The following SH3GL2 variants were observed in gnomAD, a reference collection of about 807,000 sequenced individuals.
SH3GL2 encodes the protein endophilin-A1.
In SH3GL2, 24 loss-of-function variants were observed where a neutral mutation model predicts 46.0. That is an observed-to-expected ratio of 0.52 (90% CI 0.38 to 0.73). The LOEUF (loss-of-function observed/expected upper bound fraction) is 0.73. Ranked by LOEUF, SH3GL2 falls within the 30% of genes least tolerant of loss-of-function variation. The pLI is 0.00. For synonymous variants in SH3GL2, 196 were observed against 147.1 expected, an observed-to-expected ratio of 1.33 and a Z score of -2.40; for missense variants, 413 against 424.2, an observed-to-expected ratio of 0.97 and a Z score of 0.23.
intron 2 of SH3GL2, among the ~76,000 whole-genome samples, chr9:17,757,200 C>G (rs9406694): frequency 0.026 from 3,930 of 152,200 alleles, 154 homozygotes; most frequent in African/African-American, 0.089. Flanking sequence ...CATAAAAACC[C>G]TAGAAGAAAA....
At chr9:17,705,676 G>A (rs930428127) in intron 1 of SH3GL2, among the ~76,000 whole-genome samples, 3 of 151,962 alleles carry the variant, frequency 2.0e-5, no homozygotes, top group Admixed American at 2.0e-4. Context: ...GCTGGAGGCC[G>A]TTATTCTGAG....
At chr9:17,727,677 T>C (rs1395915182) in intron 1 of SH3GL2, among the ~76,000 whole-genome samples, 1 of 152,200 alleles carries the variant, frequency 6.6e-6, no homozygotes, top group East Asian at 1.9e-4. Flanking sequence ...AATCAGTGGA[T>C]GACGATTTCC....
chr9:17,623,268 G>C (rs943345546), intron 1 of SH3GL2, among the ~76,000 whole-genome samples: 3 of 152,012 alleles, frequency 2.0e-5, no homozygotes, highest in African/African-American at 4.8e-5. Flanking sequence ...AATGTTGCCA[G>C]GTGTAGAAGA....
intron 1 of SH3GL2, among the ~76,000 whole-genome samples, chr9:17,728,443 T>G (rs989860959): frequency 6.6e-6 from 1 of 152,052 alleles, no homozygotes; most frequent in Non-Finnish European, 1.5e-5. Context: ...TTCTGAATTT[T>G]ATTTTTAAAT....
chr9:17,612,702 G>T (rs574220909), intron 1 of SH3GL2, among the ~76,000 whole-genome samples: 5 of 152,294 alleles, frequency 3.3e-5, no homozygotes, highest in African/African-American at 1.2e-4. Flanking sequence ...CCTATTGAAA[G>T]TGTACTGTTT....
intron 1 of SH3GL2, among the ~76,000 whole-genome samples, chr9:17,622,044 A>G (rs375547458): frequency 2.6e-5 from 4 of 152,294 alleles, no homozygotes; most frequent in East Asian, 3.9e-4. Context: ...TCTTTTGATT[A>G]TTCCCAAAGG....
rs187999154 is a variant in SH3GL2, at chr9:17,795,333, C to T, written c.860-211C>T. 7.9e-5 allele frequency among the ~76,000 whole-genome samples: 12 copies of T among 152,188 alleles called. No individual in the cohort carries two copies. The East Asian group carries it at 9.7e-4, about 12-fold the overall frequency. ...GAATATGCAGCAACTTCCAAAGGTC[C>T]GAGAAAGCTTCTGAGGATTGGTAGA... On this transcript the variant is annotated intron_variant, in intron 8 of 8. Transcript: ENST00000380607.
intron 1 of SH3GL2, among the ~76,000 whole-genome samples, chr9:17,736,256 T>C (rs1822331372): frequency 6.6e-6 from 1 of 152,170 alleles, no homozygotes; most frequent in East Asian, 1.9e-4. Context: ...AATTTTTTGA[T>C]TTAGATCATA....
intron 1 of SH3GL2, among the ~76,000 whole-genome samples, chr9:17,636,920 A>G (rs1003562422): frequency 4.6e-5 from 7 of 152,224 alleles, no homozygotes; most frequent in Admixed American, 3.3e-4. Flanking sequence ...GGATACTAGC[A>G]TAAAAAGAAG....
intron 1 of SH3GL2, among the ~76,000 whole-genome samples, chr9:17,717,288 G>A (rs182224686): frequency 1.3e-5 from 2 of 152,180 alleles, no homozygotes; most frequent in Admixed American, 6.6e-5. Flanking sequence ...AACACATTTC[G>A]TATTTTGGGT....
chr9:17,729,064 A>G (rs939034681), intron 1 of SH3GL2, among the ~76,000 whole-genome samples: 1 of 151,852 alleles, frequency 6.6e-6, no homozygotes, highest in African/African-American at 2.4e-5. Flanking sequence ...TTCCACAATG[A>G]CAAATTTATA....
At chr9:17,704,809 A>G (rs1821428967) in intron 1 of SH3GL2, among the ~76,000 whole-genome samples, 1 of 152,150 alleles carries the variant, frequency 6.6e-6, no homozygotes, top group Non-Finnish European at 1.5e-5. Flanking sequence ...ACTTAAATGT[A>G]AAACCTAAAA....
At chr9:17,745,966 C>T (rs551342967) in intron 1 of SH3GL2, among the ~76,000 whole-genome samples, 14 of 152,274 alleles carry the variant, frequency 9.2e-5, no homozygotes, top group East Asian at 5.8e-4. Flanking sequence ...AAAAGGTCTT[C>T]GTGCCATTAA....
At position 17,795,788 on chromosome 9, in the gene SH3GL2, C is replaced by G. The variant is rs757576547; in HGVS notation, c.*45C>G. 8 of 1,475,522 alleles carry G rather than the reference C, an allele frequency of 5.4e-6. No individual in the cohort carries two copies. The highest frequency in any genetic ancestry group is 1.9e-4 in the Middle Eastern group (1 of 5,218). The allele number at this position is 1,475,522 out of a possible 1,614,324, so 91.4% of individuals were successfully genotyped here. A position where few individuals can be genotyped will look rare whatever the true frequency, so the allele number is the denominator to read the frequency against. ...CGCCTCCTCTTGACCCAGATAGTTA[C>G]GGTTAACCACTGCTTTGGCAATGCT... On this transcript the variant is annotated 3_prime_UTR_variant, in exon 9 of 9. Transcript: ENST00000380607.
At chr9:17,699,645 C>T (rs1821296241) in intron 1 of SH3GL2, among the ~76,000 whole-genome samples, 1 of 152,232 alleles carries the variant, frequency 6.6e-6, no homozygotes, top group Non-Finnish European at 1.5e-5. Flanking sequence ...TCCAGTAGTG[C>T]TTGCTTTTGA....
At chr9:17,647,276 A>G (rs1279452457) in intron 1 of SH3GL2, among the ~76,000 whole-genome samples, 2 of 152,208 alleles carry the variant, frequency 1.3e-5, no homozygotes, top group African/African-American at 4.8e-5. Flanking sequence ...TGTGCTAGAT[A>G]TTGTGGGGAA....
At chr9:17,641,710 G>T (rs147394229) in intron 1 of SH3GL2, among the ~76,000 whole-genome samples, 2 of 152,092 alleles carry the variant, frequency 1.3e-5, no homozygotes, top group Non-Finnish European at 2.9e-5. Flanking sequence ...CTGTTCCTCT[G>T]TGAGTTTGCT....
Position 17,579,114 on chromosome 9 carries a change from C to T in SH3GL2, c.-129C>T. The T allele has an allele frequency of 1.8e-6, 1 of 554,328 alleles. No individual in the cohort carries two copies. The highest frequency in any genetic ancestry group is 3.0e-6 in the Non-Finnish European group (1 of 337,082). 34.3% of individuals were successfully genotyped at this position (554,328 alleles called of 1,614,324 possible). A position where few individuals can be genotyped will look rare whatever the true frequency, so the allele number is the denominator to read the frequency against. On this transcript the variant is annotated 5_prime_UTR_variant, in exon 1 of 9. Transcript: ENST00000380607. Reference sequence around the variant, plus strand: ...CCCGTGTCCCGCTAGGCTCCGCGCCCTCGCGCCCATAGCCCCGGCGGCGGC... The same window carrying T: ...CCCGTGTCCCGCTAGGCTCCGCGCCTTCGCGCCCATAGCCCCGGCGGCGGC...
At chr9:17,713,262 A>G (rs965810411) in intron 1 of SH3GL2, among the ~76,000 whole-genome samples, 2 of 151,546 alleles carry the variant, frequency 1.3e-5, no homozygotes, top group African/African-American at 4.8e-5. Context: ...ATCCTCTATC[A>G]TTTGTAATAT....
Sources: gnomAD v4.1 joint callset for allele counts (sites outside exome capture counted in the v4.1 genomes callset) on GRCh38, gnomAD v4.1.1 for gene constraint, MANE v1.5 for transcripts, NCBI Gene and HGNC (gene_info 2026-07-23, HGNC 2026-07-21) for gene names.